Variants in SMG6 observed in about 807,000 individuals in gnomAD.
SMG6 encodes telomerase-binding protein EST1A.
SMG6 carries 66 observed loss-of-function variants against 142.2 expected under a neutral mutation model. The ratio of observed to expected loss-of-function variants is 0.46; its 90% CI spans 0.38 to 0.57. The LOEUF is 0.57. Among genes scored for constraint, SMG6 ranks in the 20% least tolerant of loss-of-function variants. The pLI is 0.00. For synonymous variants in SMG6, 779 were observed against 702.4 expected (o/e 1.11, Z -1.72); for missense variants, 1,793 against 1,832.0 (o/e 0.98, Z 0.39).
At chr17:2,241,318 C>A (rs949520048) in intron 9 of SMG6, among the ~76,000 whole-genome samples, 1 of 152,066 alleles carries the variant, frequency 6.6e-6, no homozygotes, top group African/African-American at 2.4e-5. Context: ...TCTCAAACAT[C>A]CTCCCTTCTG....
chr17:2,126,898 G>A (rs562388655), intron 13 of SMG6, among the ~76,000 whole-genome samples: 11 of 129,060 alleles, frequency 8.5e-5, no homozygotes, highest in African/African-American at 2.6e-4. Flanking sequence ...ACACACACAC[G>A]CACACACATG....
chr17:2,065,261 G>C (rs1189985826), intron 17 of SMG6, 107 bp from the exon 18 acceptor site: 1 of 1,069,522 alleles, frequency 9.3e-7, no homozygotes, highest in African/African-American at 1.6e-5. Context: ...CCACCTCCCC[G>C]ATCCCTCCCA....
intron 14 of SMG6, among the ~76,000 whole-genome samples, chr17:2,084,469 G>T (rs1014198084): frequency 2.0e-5 from 3 of 152,196 alleles, no homozygotes; most frequent in Admixed American, 6.5e-5. Flanking sequence ...GTCATCAGGG[G>T]TGGGGTGGGG....
rs768061916 is a variant in SMG6 at position 2,300,460 on chromosome 17, C to A, written c.293G>T (p.Cys98Phe). ...ENGTQPVKDVCKELNNQEQNG... is the reference protein window; with the variant it reads ...ENGTQPVKDVFKELNNQEQNG... ...CTGCTCTTGGTTGTTCAGTTCCTTG[C>A]AGACATCTTTAACGGGCTGTGTACC... The change falls in exon 2 of 19, where the codon TGC (cysteine) becomes TTC (phenylalanine). Residue 98 changes from cysteine to phenylalanine, a missense_variant. Transcript: ENST00000263073. The A allele has an allele frequency of 3.7e-6, 6 of 1,614,162 alleles. No individual in the cohort carries two copies. The highest frequency in any genetic ancestry group is 4.2e-6 in the Non-Finnish European group (5 of 1,180,024).
chr17:2,207,077 T>C lies in SMG6; in HGVS notation c.2870-18562A>G, dbSNP rs1345644571. On this transcript the variant is annotated intron_variant, in intron 10 of 18. Transcript: ENST00000263073. ...ACTTGAGGCCAGCAGTTCAAGACCA[T>C]GCTGGCCAACATGGTGAAATCTTGT... is the stretch of plus-strand genomic sequence containing the variant. 1.1e-4 allele frequency among the ~76,000 whole-genome samples: 15 copies of C among 134,078 alleles called. No homozygotes were observed. The East Asian group carries it at 3.1e-3, about 28-fold the overall frequency. The allele number at this position is 134,078 out of a possible 152,430, so 88.0% of individuals were successfully genotyped here. A position where few individuals can be genotyped will look rare whatever the true frequency, so the allele number is the denominator to read the frequency against.
At chr17:2,093,789 TA>T (rs148986556) in intron 13 of SMG6, among the ~76,000 whole-genome samples, 11,002 of 152,252 alleles carry the variant, frequency 0.072, 532 homozygotes, top group Non-Finnish European at 0.11. Context: ...GGCTAATTTT[TA>T]AAAATTGTTT....
rs929673761 is a variant in SMG6, at chr17:2,144,807, T to C, written c.3357+27851A>G. Among the ~76,000 whole-genome samples the C allele has an allele frequency of 5.3e-5, 8 of 152,214 alleles. No individual in the cohort carries two copies. The South Asian group carries it at 1.2e-3, about 24-fold the overall frequency. On this transcript the variant is annotated intron_variant, in intron 13 of 18. Transcript: ENST00000263073. ...TGAGGGTTAGCTCATGGTCGTAAAA[T>C]GCTCACCATGAGGTTTCCTAAAGCT...
At chr17:2,180,815 G>T (rs1047175820) in intron 12 of SMG6, among the ~76,000 whole-genome samples, 4 of 152,210 alleles carry the variant, frequency 2.6e-5, no homozygotes, top group African/African-American at 9.7e-5. Context: ...TGGAGGAAAA[G>T]CAAAGGAGAC....
intron 13 of SMG6, among the ~76,000 whole-genome samples, chr17:2,148,518 C>T (rs917636264): frequency 1.3e-5 from 2 of 152,322 alleles, no homozygotes; most frequent in African/African-American, 4.8e-5. Flanking sequence ...CACAAAAGGA[C>T]AAATATTTTA....
At chr17:2,178,049 C>G (rs2071699085) in intron 12 of SMG6, among the ~76,000 whole-genome samples, 1 of 152,154 alleles carries the variant, frequency 6.6e-6, no homozygotes, top group African/African-American at 2.4e-5. Flanking sequence ...GGACTTGAAT[C>G]CAATAAGTGT....
intron 8 of SMG6, among the ~76,000 whole-genome samples, chr17:2,251,905 C>T (rs899622244): frequency 6.7e-6 from 1 of 149,884 alleles, no homozygotes; most frequent in African/African-American, 2.5e-5. Context: ...AGTTCGAGAC[C>T]AGCCTGACCA....
At chr17:2,150,368 C>T (rs2070789278) in intron 13 of SMG6, among the ~76,000 whole-genome samples, 1 of 152,192 alleles carries the variant, frequency 6.6e-6, no homozygotes, top group African/African-American at 2.4e-5. Flanking sequence ...TTGGGGACCA[C>T]CGGTCTAGAG....
chr17:2,242,090 G>A (rs2073815500), intron 9 of SMG6, among the ~76,000 whole-genome samples: 1 of 152,098 alleles, frequency 6.6e-6, no homozygotes, highest in African/African-American at 2.4e-5. Context: ...CAGCACCAAG[G>A]GTTGGGAAAT....
chr17:2,221,310 G>A (rs1298804220), intron 10 of SMG6, among the ~76,000 whole-genome samples: 5 of 152,146 alleles, frequency 3.3e-5, no homozygotes, highest in African/African-American at 1.2e-4. Flanking sequence ...GGAGCTCTCG[G>A]GACATCTGGT....
chr17:2,266,395 T>G (rs1567731000), intron 8 of SMG6, among the ~76,000 whole-genome samples: 5 of 152,150 alleles, frequency 3.3e-5, no homozygotes. Context: ...TTTAAGCAAG[T>G]GCTCATTGTT....
chr17:2,295,766 C>T (rs1044619660), intron 4 of SMG6, among the ~76,000 whole-genome samples: 1 of 152,154 alleles, frequency 6.6e-6, no homozygotes. Context: ...ACAATATTCA[C>T]TTGTTCACTT....
intron 12 of SMG6, among the ~76,000 whole-genome samples, chr17:2,173,831 G>A (rs903720542): frequency 6.8e-6 from 1 of 147,110 alleles, no homozygotes; most frequent in Non-Finnish European, 1.5e-5. Flanking sequence ...GGTGGGTGCT[G>A]AGGATCCATA....
chr17:2,078,698 A>G (rs1248824820), intron 15 of SMG6, among the ~76,000 whole-genome samples: 1 of 152,074 alleles, frequency 6.6e-6, no homozygotes, highest in Non-Finnish European at 1.5e-5. Flanking sequence ...CTGAGCACTA[A>G]CTCAGCTTGC....
intron 13 of SMG6, among the ~76,000 whole-genome samples, chr17:2,140,651 GAC>G (rs2070448381): frequency 1.4e-5 from 2 of 138,816 alleles, no homozygotes; most frequent in Admixed American, 1.5e-4. Context: ...CAGCCTGGGT[GAC>G]AGAGTGAGAT....
Sources: allele counts gnomAD v4.1 joint callset (sites outside exome capture counted in the v4.1 genomes callset), GRCh38; gene constraint gnomAD v4.1.1; transcripts MANE v1.5; gene names NCBI Gene and HGNC (gene_info 2026-07-23, HGNC 2026-07-21).